Variants in SEMA6D observed in about 807,000 individuals in gnomAD.
The protein encoded by SEMA6D is semaphorin 6D.
In SEMA6D, 35 loss-of-function variants were observed where a neutral mutation model predicts 106.6. That is an observed-to-expected ratio of 0.33 (90% confidence interval 0.25 to 0.44). SEMA6D has a LOEUF of 0.44. SEMA6D is among the 20% of genes least tolerant of loss of function. The pLI is 1.00. For missense variants in SEMA6D, 1,185 were observed against 1,345.9 expected, an observed-to-expected ratio of 0.88 and a Z score of 1.87; for synonymous variants, 499 against 487.7, an observed-to-expected ratio of 1.02 and a Z score of -0.31.
chr15:47,653,022 G>T (rs1596539683), intron 4 of SEMA6D, among the ~76,000 whole-genome samples: 2 of 152,210 alleles, frequency 1.3e-5, no homozygotes, highest in Admixed American at 1.3e-4. Context: ...ACTTAAGAAT[G>T]TTGATGGACT....
At chr15:47,550,551 A>G (rs2045654381) in intron 3 of SEMA6D, among the ~76,000 whole-genome samples, 1 of 152,162 alleles carries the variant, frequency 6.6e-6, no homozygotes, top group Non-Finnish European at 1.5e-5. Flanking sequence ...GTGTGTTGTC[A>G]AGGAAACCTC....
rs145578998 is a variant in SEMA6D at position 47,191,250 on chromosome 15, A to C, written c.-239+6832A>C. On this transcript the variant is annotated intron_variant, in intron 1 of 19. Transcript: ENST00000558014. The stretch of plus-strand genomic sequence containing the variant: ...GTTTGTGGTGTGTTTTATAGTTTAT[A>C]TTGAAATCATGAAAATATTTAGACA... Among the ~76,000 whole-genome samples the C allele has an allele frequency of 8.4e-3, 1,271 of 152,182 alleles. 23 individuals are homozygous for C. The highest frequency in any genetic ancestry group is 0.029 in the African/African-American group (1,193 of 41,506).
At chr15:47,581,075 T>G (rs1031673126) in intron 3 of SEMA6D, among the ~76,000 whole-genome samples, 3 of 152,226 alleles carry the variant, frequency 2.0e-5, no homozygotes, top group African/African-American at 7.2e-5. Context: ...CGCATTACAA[T>G]CACTCACAGG....
chr15:47,424,552 T>C (rs1039049082), intron 2 of SEMA6D, among the ~76,000 whole-genome samples: 2 of 152,148 alleles, frequency 1.3e-5, no homozygotes, highest in Non-Finnish European at 2.9e-5. Context: ...GTCTCTATCC[T>C]AGAGTTATTT....
At chr15:47,591,761 G>A (rs1387891276) in intron 3 of SEMA6D, among the ~76,000 whole-genome samples, 1 of 152,160 alleles carries the variant, frequency 6.6e-6, no homozygotes, top group African/African-American at 2.4e-5. Flanking sequence ...ATGACATATG[G>A]GAGTGAGTAC....
upstream of SEMA6D, among the ~76,000 whole-genome samples, chr15:47,715,585 C>G (rs187213421): frequency 6.6e-6 from 1 of 152,312 alleles, no homozygotes; most frequent in East Asian, 1.9e-4. Context: ...GAAGTCTTCA[C>G]TGATAATGTA....
chr15:47,270,472 T>C (rs1207940789), intron 1 of SEMA6D, among the ~76,000 whole-genome samples: 9 of 151,976 alleles, frequency 5.9e-5, no homozygotes, highest in Non-Finnish European at 1.2e-4. Flanking sequence ...TTTTTTCCTA[T>C]GGCAGTGGCC....
At chr15:47,542,881 G>T (rs891258734) in intron 3 of SEMA6D, among the ~76,000 whole-genome samples, 2 of 152,036 alleles carry the variant, frequency 1.3e-5, no homozygotes, top group Non-Finnish European at 2.9e-5. Flanking sequence ...GCTCTTCCTA[G>T]CAATGACTGT....
At chr15:47,256,907 A>T (rs2033831816) in intron 1 of SEMA6D, among the ~76,000 whole-genome samples, 1 of 152,146 alleles carries the variant, frequency 6.6e-6, no homozygotes, top group Admixed American at 6.5e-5. Context: ...GTATATATTT[A>T]TTTGAAGTTT....
chr15:47,494,798 G>C (rs1306708843), intron 3 of SEMA6D, among the ~76,000 whole-genome samples: 2 of 54,570 alleles, frequency 3.7e-5, no homozygotes, highest in African/African-American at 7.3e-5. Flanking sequence ...ATAATCTCCA[G>C]ATACACACAC....
intron 2 of SEMA6D, among the ~76,000 whole-genome samples, chr15:47,422,820 A>T (rs2041215391): frequency 2.6e-5 from 4 of 152,086 alleles, no homozygotes; most frequent in Admixed American, 6.6e-5. Flanking sequence ...ATGAGCAATT[A>T]ACATCCTAAA....
chr15:47,565,207 A>T (rs2046194365), intron 3 of SEMA6D, among the ~76,000 whole-genome samples: 1 of 152,198 alleles, frequency 6.6e-6, no homozygotes, highest in African/African-American at 2.4e-5. Flanking sequence ...TGCAGGAGTC[A>T]CAGGCACCCC....
At chr15:47,379,912 C>A (rs938157746) in intron 1 of SEMA6D, among the ~76,000 whole-genome samples, 2 of 151,310 alleles carry the variant, frequency 1.3e-5, no homozygotes, top group African/African-American at 2.4e-5. Flanking sequence ...CATGCCCCAC[C>A]ACGCCTGGCT....
chr15:47,324,412 A>G (rs1204206525), intron 1 of SEMA6D, among the ~76,000 whole-genome samples: 1 of 152,114 alleles, frequency 6.6e-6, no homozygotes, highest in African/African-American at 2.4e-5. Context: ...ATGTCAGAAA[A>G]GCATATCGGT....
chr15:47,410,446 A>T (rs1350429635), intron 1 of SEMA6D, among the ~76,000 whole-genome samples: 1 of 152,218 alleles, frequency 6.6e-6, no homozygotes, highest in Non-Finnish European at 1.5e-5. Flanking sequence ...TCTGATTTGT[A>T]AGAAGCCAGT....
chr15:47,595,681 C>A (rs2076521995), intron 3 of SEMA6D, among the ~76,000 whole-genome samples: 1 of 152,060 alleles, frequency 6.6e-6, no homozygotes, highest in Non-Finnish European at 1.5e-5. Flanking sequence ...CTTTAAATGA[C>A]CCATGAAGTC....
chr15:47,489,204 C>A (rs1279207204), intron 3 of SEMA6D, among the ~76,000 whole-genome samples: 1 of 152,248 alleles, frequency 6.6e-6, no homozygotes, highest in Middle Eastern at 3.4e-3. Flanking sequence ...AGCCAAGGAA[C>A]ACTTGGAGCC....
rs16959069 is a variant in SEMA6D at position 47,222,796 on chromosome 15, A to C, written c.-239+38378A>C. ...AACAGATGCCCAGTCTCTTCCATTA[A>C]CTGTGCTCTTCGAGAGTGACATTTT... On this transcript the variant is annotated intron_variant, in intron 1 of 19. Coordinates refer to the SEMA6D transcript ENST00000558014. Among the ~76,000 whole-genome samples the C allele has an allele frequency of 4.1e-3, 619 of 152,310 alleles. 45 individuals carry two copies. The East Asian group carries it at 0.1, about 26-fold the overall frequency.
chr15:47,223,662 G>A (rs1165964757), intron 1 of SEMA6D, among the ~76,000 whole-genome samples: 1 of 152,036 alleles, frequency 6.6e-6, no homozygotes, highest in Non-Finnish European at 1.5e-5. Context: ...TGGTTGATAA[G>A]TCGATCATGT....
Sources: gnomAD v4.1 joint callset for allele counts (sites outside exome capture counted in the v4.1 genomes callset) on GRCh38, gnomAD v4.1.1 for gene constraint, MANE v1.5 for transcripts, NCBI Gene and HGNC (gene_info 2026-07-23, HGNC 2026-07-21) for gene names.